Variants in PLCG1 observed in about 807,000 individuals in gnomAD.
PLCG1 encodes the protein phospholipase C gamma 1.
In PLCG1, 71 loss-of-function variants were observed where a neutral mutation model predicts 177.8. That is an observed-to-expected ratio of 0.40 (90% CI 0.33 to 0.49). PLCG1 has a LOEUF of 0.49. Ranked by LOEUF, PLCG1 falls within the 20% of genes least tolerant of loss-of-function variation. The probability of loss-of-function intolerance (pLI) is 0.72; values close to 1 mark genes in which losing one functional copy is unlikely to be tolerated. For missense variants in PLCG1, 1,281 were observed against 1,709.0 expected, an observed-to-expected ratio of 0.75 and a Z score of 4.42; for synonymous variants, 658 against 647.9, an observed-to-expected ratio of 1.02 and a Z score of -0.24.
chr20:41,164,927 C>T lies in PLCG1; in HGVS notation c.1218-6C>T. On this transcript the variant is annotated splice_polypyrimidine_tract_variant and splice_region_variant and intron_variant, in intron 12 of 31. Coordinates refer to ENST00000685551, the MANE Select transcript of PLCG1 (RefSeq NM_002660.3). This position sits in a 1 kb window ranked among gnomAD's most constrained non-coding sequence, Gnocchi z 6.4. ...TGTTTCACTGTGCTTGTCCCCCATC[C>T]CGCAGGTACCCAGTCATCCTGTCCA... 1 of 1,612,330 alleles carries T rather than the reference C, an allele frequency of 6.2e-7. No individual in the cohort carries two copies. The highest frequency in any genetic ancestry group is 8.5e-7 in the Non-Finnish European group (1 of 1,178,764).
chr20:41,145,033 G>C (rs1168965614), intron 1 of PLCG1, among the ~76,000 whole-genome samples: 1 of 152,172 alleles, frequency 6.6e-6, no homozygotes, highest in East Asian at 1.9e-4. Flanking sequence ...GAGATAAATA[G>C]GCAGACAGAT....
rs534371798 is a variant in PLCG1, at chr20:41,144,377, G to A, written c.217+6519G>A. ...TTGTTTTTCTTCCCTCTGGCCACATGTGTTTGACCAGCCTAGACTTCCATC... is the reference window on the plus strand; with the variant it reads ...TTGTTTTTCTTCCCTCTGGCCACATATGTTTGACCAGCCTAGACTTCCATC... On this transcript the variant is annotated intron_variant, in intron 1 of 31. Coordinates refer to ENST00000685551, the MANE Select transcript of PLCG1 (RefSeq NM_002660.3). This position sits in a 1 kb window ranked among gnomAD's most constrained non-coding sequence, Gnocchi z 4.1. Among the ~76,000 whole-genome samples the A allele has an allele frequency of 8.5e-5, 13 of 152,324 alleles. No individual in the cohort carries two copies. Among genetic ancestry groups the A allele is most frequent in the Admixed American group, 2.6e-4 (4 of 15,294 alleles).
At chr20:41,142,103 C>T (rs1411454435) in intron 1 of PLCG1, among the ~76,000 whole-genome samples, 1 of 152,242 alleles carries the variant, frequency 6.6e-6, no homozygotes, top group African/African-American at 2.4e-5. Context: ...GATGTAGAGG[C>T]ATATGATTAT....
rs772833637 is a variant in PLCG1 at position 41,173,916 on chromosome 20, C to T, written c.3557-7C>T. ...TGGGCTGAGGGCCAGGCTTTTCCTC[C>T]TCCTAGGATACAGAGCAGTGCCTTT... On this transcript the variant is annotated splice_polypyrimidine_tract_variant and splice_region_variant and intron_variant, in intron 29 of 31. Coordinates refer to ENST00000685551, the MANE Select transcript of PLCG1 (RefSeq NM_002660.3). The surrounding 1 kb of genome is among the most constrained non-coding windows in gnomAD (Gnocchi z 6.2). 2.5e-6 allele frequency: 4 copies of T among 1,613,514 alleles called. No homozygotes were observed. The highest frequency in any genetic ancestry group is 2.2e-5 in the South Asian group (2 of 91,076).
intron 1 of PLCG1, among the ~76,000 whole-genome samples, chr20:41,152,241 C>G (rs1210363441): frequency 5.9e-5 from 9 of 152,212 alleles, no homozygotes; most frequent in Non-Finnish European, 1.3e-4. Flanking sequence ...GGACCACTCT[C>G]CTGAATCTCC....
At position 41,163,274 on chromosome 20, in the gene PLCG1, G is replaced by C; in HGVS notation, c.788G>C (p.Gly263Ala). 2.5e-6 allele frequency: 4 copies of C among 1,570,578 alleles called. No homozygotes were observed. Among genetic ancestry groups the C allele is most frequent in the Non-Finnish European group, 3.5e-6 (4 of 1,159,244 alleles). ...EFQQFLLDYQ[G>A]ELWAVDRLQV... is the part of the protein sequence containing the mutation. ...CAGCAGTTCCTTCTTGACTACCAGG[G>C]GGTATGGCTGGGCTGACATTGGCCC... The change falls in exon 8 of 32, where the codon GGG becomes GCG. Residue 263 changes from glycine to alanine, a missense_variant and splice_region_variant. Physicochemically the swap from Gly to Ala is moderately conservative, Grantham distance 60. Coordinates refer to ENST00000685551, the MANE Select transcript of PLCG1 (RefSeq NM_002660.3). This position sits in a 1 kb window ranked among gnomAD's most constrained non-coding sequence, Gnocchi z 5.2.
intron 6 of PLCG1, 70 bp downstream of exon 6, chr20:41,162,795 C>A: frequency 1.4e-6 from 2 of 1,429,684 alleles, no homozygotes; most frequent in Non-Finnish European, 2.0e-6. Flanking sequence ...GCTCTGCCTG[C>A]CTCAGCCCTG....
In PLCG1 at chr20:41,166,997, G is replaced by C; in HGVS notation, c.2301+138G>C. The C allele has an allele frequency of 1.3e-6, 1 of 759,078 alleles. No individual in the cohort carries two copies. The highest frequency in any genetic ancestry group is 2.2e-6 in the Non-Finnish European group (1 of 448,710). 47.0% of individuals were successfully genotyped at this position (759,078 alleles called of 1,614,324 possible). A position where few individuals can be genotyped will look rare whatever the true frequency, so the allele number is the denominator to read the frequency against. ...GGAGGGCCCCTGACTCCAGCTGGGA[G>C]CCACAGTGTGGGTACCAGGAGGGTG... On this transcript the variant is annotated intron_variant, in intron 19 of 31. Transcript: ENST00000685551. This position sits in a 1 kb window ranked among gnomAD's most constrained non-coding sequence, Gnocchi z 8.6.
rs749764025 is a variant in PLCG1 at position 41,173,646 on chromosome 20, T to G, written c.3395-6T>G. The G allele has an allele frequency of 6.2e-7, 1 of 1,614,162 alleles. No individual in the cohort carries two copies. Among genetic ancestry groups the G allele is most frequent in the Non-Finnish European group, 8.5e-7 (1 of 1,180,020 alleles). ...GACCTGAAGCCTTTTGTCGTTGCCT[T>G]CACAGTGGACAATGGACTCAACCCT... is the stretch of plus-strand genomic sequence containing the variant. On this transcript the variant is annotated splice_region_variant and splice_polypyrimidine_tract_variant and intron_variant, in intron 28 of 31. Transcript: ENST00000685551. The surrounding 1 kb of genome is among the most constrained non-coding windows in gnomAD (Gnocchi z 6.2).
rs1443903838 is a variant in PLCG1, at chr20:41,176,669, G to A, written c.*2160G>A. On this transcript the variant is annotated 3_prime_UTR_variant, in exon 32 of 32. Transcript: ENST00000685551. ...GGCTCACCTCTCTTGGGCTCTGTAA[G>A]ACATTGCCTTTGCCTCACTGCAAAT... The A allele has an allele frequency of 6.6e-6, 1 of 152,202 alleles. No individual in the cohort carries two copies. The highest frequency in any genetic ancestry group is 2.4e-5 in the African/African-American group (1 of 41,446). 9.4% of individuals were successfully genotyped at this position (152,202 alleles called of 1,614,324 possible). A position where few individuals can be genotyped will look rare whatever the true frequency, so the allele number is the denominator to read the frequency against.
Position 41,165,310 on chromosome 20 carries a change from C to G in PLCG1, c.1452C>G (p.Asn484Lys). ...EVPTSMMYSE[N>K]DISNSIKNGI... Reference sequence around the variant, plus strand: ...CTACATCCATGATGTACTCTGAGAACGACATCAGCAACTCTATCAAGAATG... The same window carrying G: ...CTACATCCATGATGTACTCTGAGAAGGACATCAGCAACTCTATCAAGAATG... Residue 484 changes from asparagine (N) to lysine (K), a missense_variant, in exon 14 of 32, where the codon AAC becomes AAG. Asn to Lys is a moderately conservative substitution (Grantham distance 94, BLOSUM62 0). This residue lies in a region of PLCG1 where 723 missense variants were observed against 1,030.0 expected (regional missense o/e 0.70). Transcript: ENST00000685551. This position sits in a 1 kb window ranked among gnomAD's most constrained non-coding sequence, Gnocchi z 6.6. The G allele has an allele frequency of 6.2e-7, 1 of 1,613,996 alleles. No individual in the cohort carries two copies. The highest frequency in any genetic ancestry group is 8.5e-7 in the Non-Finnish European group (1 of 1,179,886).
rs993191849 is a variant in PLCG1, at chr20:41,176,392, A to T, written c.*1883A>T. On this transcript the variant is annotated 3_prime_UTR_variant, in exon 32 of 32. Transcript: ENST00000685551. ...TGGGTGGGAATTCACCTGGGCCCTC[A>T]TGATCCATGTTTCCTCTCTAGGTTT... 3.9e-5 allele frequency: 6 copies of T among 152,186 alleles called. No individual in the cohort carries two copies. Among genetic ancestry groups the T allele is most frequent in the African/African-American group, 1.2e-4 (5 of 41,424 alleles). 9.4% of individuals were successfully genotyped at this position (152,186 alleles called of 1,614,324 possible).
Position 41,157,488 on chromosome 20 carries a change from C to T in PLCG1, c.218-2118C>T, listed in dbSNP as rs570554443. On this transcript the variant is annotated intron_variant, in intron 1 of 31. Transcript: ENST00000685551. The surrounding 1 kb of genome is among the most constrained non-coding windows in gnomAD (Gnocchi z 5.4). ...CCGAGTATAACTGTTCATTTTTGTTCCCCATCCCTATTTGGTTTTCCCTCC... is the reference window on the plus strand; with the variant it reads ...CCGAGTATAACTGTTCATTTTTGTTTCCCATCCCTATTTGGTTTTCCCTCC... Among the ~76,000 whole-genome samples the T allele has an allele frequency of 6.6e-6, 1 of 152,230 alleles. No homozygotes were observed. Among genetic ancestry groups the T allele is most frequent in the Non-Finnish European group, 1.5e-5 (1 of 68,012 alleles).
At position 41,172,915 on chromosome 20, in the gene PLCG1, G is replaced by A. The variant is rs778700780; in HGVS notation, c.3279+38G>A. The A allele has an allele frequency of 4.3e-5, 69 of 1,601,386 alleles. No individual in the cohort carries two copies. In the South Asian group the frequency reaches 7.2e-4, roughly 17 times the overall value. On this transcript the variant is annotated intron_variant, in intron 27 of 31. Coordinates refer to ENST00000685551, the MANE Select transcript of PLCG1 (RefSeq NM_002660.3). The surrounding 1 kb of genome is among the most constrained non-coding windows in gnomAD (Gnocchi z 7.0). ...CATCTGGGCTTCAGGGTAGGAAAGG[G>A]GCTGCTTGCCGTTGGAGTCTGTTTA...
At chr20:41,169,277 C>T in intron 22 of PLCG1, 102 bp downstream of exon 22, 1 of 992,856 alleles carries the variant, frequency 1.0e-6, no homozygotes, top group Non-Finnish European at 1.6e-6. Flanking sequence ...TGCACAGACA[C>T]CTGTCACATG....
rs906260299 is a variant in PLCG1, at chr20:41,167,216, G to C, written c.2301+357G>C. ...GGGCAGATGAGATGAGGCTACCCAAGAGTGGTTGTGGAGCCTCCGCCTGGT... is the reference window on the plus strand; with the variant it reads ...GGGCAGATGAGATGAGGCTACCCAACAGTGGTTGTGGAGCCTCCGCCTGGT... On this transcript the variant is annotated intron_variant, in intron 19 of 31. Coordinates refer to ENST00000685551, the MANE Select transcript of PLCG1 (RefSeq NM_002660.3). The surrounding 1 kb of genome is among the most constrained non-coding windows in gnomAD (Gnocchi z 4.4). 1.3e-5 allele frequency among the ~76,000 whole-genome samples: 2 copies of C among 152,188 alleles called. No homozygotes were observed. The highest frequency in any genetic ancestry group is 2.9e-5 in the Non-Finnish European group (2 of 68,028).
chr20:41,144,725 T>C lies in PLCG1; in HGVS notation c.217+6867T>C, dbSNP rs923312723. ...CATTCATGTGCTCTTTAATTTGTCA[T>C]ACATTTGTTGTGGGCCTTGCTACTG... On this transcript the variant is annotated intron_variant, in intron 1 of 31. Transcript: ENST00000685551. This position sits in a 1 kb window ranked among gnomAD's most constrained non-coding sequence, Gnocchi z 4.1. Among the ~76,000 whole-genome samples the C allele has an allele frequency of 5.9e-5, 9 of 152,228 alleles. No homozygotes were observed. Among genetic ancestry groups the C allele is most frequent in the Admixed American group, 5.9e-4 (9 of 15,280 alleles).
chr20:41,164,586 T>G lies in PLCG1; in HGVS notation c.1218-347T>G, dbSNP rs977498594. 5.9e-5 allele frequency among the ~76,000 whole-genome samples: 9 copies of G among 152,184 alleles called. No homozygotes were observed. The highest frequency in any genetic ancestry group is 1.3e-4 in the Non-Finnish European group (9 of 68,030). On this transcript the variant is annotated intron_variant, in intron 12 of 31. Coordinates refer to ENST00000685551, the MANE Select transcript of PLCG1 (RefSeq NM_002660.3). This position sits in a 1 kb window ranked among gnomAD's most constrained non-coding sequence, Gnocchi z 6.4. ...TCAATTCTGTTTACTGCTTAAACTG[T>G]GGTCACTGGTCTCCCTTAGCTCACC...
chr20:41,156,102 T>G lies in PLCG1; in HGVS notation c.218-3504T>G, dbSNP rs372458300. 2.0e-5 allele frequency among the ~76,000 whole-genome samples: 3 copies of G among 152,322 alleles called. No individual in the cohort carries two copies. Among genetic ancestry groups the G allele is most frequent in the South Asian group, 4.1e-4 (2 of 4,824 alleles). ...CTCAGTCCTCAGAGCTGACATGTGA[T>G]ATACAGTCCAGGCACAGGTGTGTGT... On this transcript the variant is annotated intron_variant, in intron 1 of 31. Coordinates refer to ENST00000685551, the MANE Select transcript of PLCG1 (RefSeq NM_002660.3). The surrounding 1 kb of genome is among the most constrained non-coding windows in gnomAD (Gnocchi z 5.0).
Sources: gnomAD v4.1 joint callset for allele counts (sites outside exome capture counted in the v4.1 genomes callset) on GRCh38, gnomAD v4.1.1 for gene constraint, gnomAD v4.1.1 regional missense constraint, Gnocchi (gnomAD v3.1) non-coding constraint, MANE v1.5 for transcripts, NCBI Gene and HGNC (gene_info 2026-07-23, HGNC 2026-07-21) for gene names.